NTRK3: variants seen among roughly 807,000 people sequenced by gnomAD.
NTRK3 encodes neurotrophic receptor tyrosine kinase 3.
A neutral mutation model predicts 91.7 loss-of-function variants in NTRK3; 24 were observed. That is an observed-to-expected ratio of 0.26 (90% confidence interval 0.19 to 0.37). The LOEUF (loss-of-function observed/expected upper bound fraction) is 0.37. Ranked by LOEUF, NTRK3 falls within the 10% of genes least tolerant of loss-of-function variation. The pLI, the probability that NTRK3 is intolerant of heterozygous loss-of-function variation, is 1.00. For missense variants in NTRK3, 880 were observed against 1,068.9 expected, an observed-to-expected ratio of 0.82 and a Z score of 2.46; for synonymous variants, 483 against 404.0, an observed-to-expected ratio of 1.20 and a Z score of -2.34.
intron 14 of NTRK3, among the ~76,000 whole-genome samples, chr15:88,015,358 A>T (rs748885296): frequency 7.9e-5 from 12 of 151,998 alleles, no homozygotes; most frequent in Non-Finnish European, 1.6e-4. Flanking sequence ...CCCGGGAGGG[A>T]GTCCTTCTCT....
intron 17 of NTRK3, among the ~76,000 whole-genome samples, chr15:87,894,850 T>C (rs1161086256): frequency 6.6e-6 from 1 of 152,196 alleles, no homozygotes; most frequent in African/African-American, 2.4e-5. Flanking sequence ...CCTCACTGTC[T>C]AAGACTATTC....
At chr15:88,060,274 C>T (rs573731932) in intron 13 of NTRK3, among the ~76,000 whole-genome samples, 1 of 151,540 alleles carries the variant, frequency 6.6e-6, no homozygotes, top group East Asian at 2.0e-4. Flanking sequence ...ATCCCAGCTA[C>T]TTGGGAGGCT....
chr15:88,014,243 CA>C (rs1390007541), intron 14 of NTRK3, among the ~76,000 whole-genome samples: 2 of 152,222 alleles, frequency 1.3e-5, no homozygotes, highest in East Asian at 3.9e-4. Context: ...ATGGCCCAAA[CA>C]AAAAACATCA....
intron 13 of NTRK3, among the ~76,000 whole-genome samples, 171 bp from the exon 14 acceptor site, chr15:88,033,216 A>ATATATATATATATATATATATAT (rs1567262261): frequency 1.1e-4 from 13 of 121,994 alleles, no homozygotes; most frequent in South Asian, 2.7e-4. Context: ...ATATATATAT[A>ATATATATATATATATATATATAT]AATTCAGTTG....
At chr15:87,870,290 G>A (rs2064792553) in exon 19 of NTRK3, 1 of 189,534 alleles carries the variant, frequency 5.3e-6, no homozygotes, top group Admixed American at 6.2e-5. Context: ...GAAGCGGCCT[G>A]GGTGAGATTG....
At chr15:88,205,447 AGCG>A (rs2048662242) in intron 3 of NTRK3, among the ~76,000 whole-genome samples, 1 of 152,188 alleles carries the variant, frequency 6.6e-6, no homozygotes, top group Non-Finnish European at 1.5e-5. Flanking sequence ...CCAGCATGGC[AGCG>A]ATGCTTACGT....
chr15:88,047,517 T>C (rs553723132), intron 13 of NTRK3, among the ~76,000 whole-genome samples: 11 of 152,330 alleles, frequency 7.2e-5, no homozygotes, highest in African/African-American at 2.4e-4. Context: ...CAGTTTATAG[T>C]ATTATTCTTG....
chr15:88,024,961 A>G (rs1186341035), intron 14 of NTRK3, among the ~76,000 whole-genome samples: 1 of 152,234 alleles, frequency 6.6e-6, no homozygotes, highest in Non-Finnish European at 1.5e-5. Context: ...GTCAATGTGA[A>G]TATCCAATAA....
rs1027645743 is a variant in NTRK3 at position 88,234,475 on chromosome 15, C to A, written c.248+21431G>T. Among the ~76,000 whole-genome samples, 9 of 152,214 alleles carry A rather than the reference C, an allele frequency of 5.9e-5. No homozygotes were observed. The highest frequency in any genetic ancestry group is 1.9e-4 in the African/African-American group (8 of 41,456). ...CCCAGCCAGAATGAACTTTCTTCAG[C>A]TTCTTAAAGACACCATTGCTTCAGG... On this transcript the variant is annotated intron_variant, in intron 3 of 18. Transcript: ENST00000394480. This position sits in a 1 kb window ranked among gnomAD's most constrained non-coding sequence, Gnocchi z 6.1.
rs151250115 is a variant in NTRK3 at position 88,058,581 on chromosome 15, C to T, written c.1397-25536G>A. Among the ~76,000 whole-genome samples, 169 of 152,230 alleles carry T rather than the reference C, an allele frequency of 1.1e-3. 2 individuals are homozygous for T. The East Asian group carries it at 0.029, about 26-fold the overall frequency. On this transcript the variant is annotated intron_variant, in intron 13 of 18. Coordinates refer to ENST00000394480, the Ensembl canonical transcript of NTRK3. ...CTTTTCCCAAAATTCTGGCCCAAAG[C>T]ACACCTAGCACCACTACCCTCCACC... is the stretch of plus-strand genomic sequence containing the variant.
At chr15:88,193,109 ATCCAGGGCGGTACTATGTAGCC>A (rs2047541776) in intron 3 of NTRK3, among the ~76,000 whole-genome samples, 1 of 152,182 alleles carries the variant, frequency 6.6e-6, no homozygotes, top group South Asian at 2.1e-4. Flanking sequence ...CTGGAAAGCC[ATCCAGGGCGGTACTATGTAGCC>A]ACCCAGCTGC....
At chr15:87,862,823 G>A (rs1464094673) in exon 19 of NTRK3, 4 of 229,796 alleles carry the variant, frequency 1.7e-5, no homozygotes, top group Non-Finnish European at 3.5e-5. Context: ...AAGGGTGGAT[G>A]CTGAGAATCA....
chr15:88,109,104 A>G (rs569451490), intron 13 of NTRK3, among the ~76,000 whole-genome samples: 10 of 152,306 alleles, frequency 6.6e-5, no homozygotes, highest in Admixed American at 2.6e-4. Context: ...ATCCATGGGG[A>G]GTCTTTGCAA....
chr15:88,118,165 G>A (rs537792823), intron 13 of NTRK3, among the ~76,000 whole-genome samples: 96 of 152,306 alleles, frequency 6.3e-4, no homozygotes, highest in African/African-American at 1.8e-3. Flanking sequence ...CTGTTTTGCT[G>A]TCTTTGGTTT....
At chr15:88,250,412 T>C (rs748825453) in intron 3 of NTRK3, among the ~76,000 whole-genome samples, 9 of 152,330 alleles carry the variant, frequency 5.9e-5, no homozygotes, top group African/African-American at 1.9e-4. Flanking sequence ...AACTCAACAA[T>C]TGTAAACTAA....
exon 19 of NTRK3, chr15:87,872,136 A>T (rs1352325447): frequency 1.4e-5 from 3 of 221,160 alleles, no homozygotes; most frequent in African/African-American, 6.7e-5. Context: ...AAAGCAGACA[A>T]TAGACATCTC....
At chr15:87,999,061 C>T (rs1449928879) in intron 14 of NTRK3, among the ~76,000 whole-genome samples, 1 of 152,162 alleles carries the variant, frequency 6.6e-6, no homozygotes, top group Non-Finnish European at 1.5e-5. Context: ...GTATGAAAGG[C>T]TCCTGTGGGT....
intron 13 of NTRK3, among the ~76,000 whole-genome samples, chr15:88,033,745 C>T (rs1396226229): frequency 6.6e-6 from 1 of 152,160 alleles, no homozygotes; most frequent in South Asian, 2.1e-4. Context: ...GCTGGAAAAT[C>T]AAGGTAAATT....
intron 3 of NTRK3, among the ~76,000 whole-genome samples, chr15:88,198,557 T>G (rs1597901285): frequency 6.6e-6 from 1 of 152,352 alleles, no homozygotes; most frequent in South Asian, 2.1e-4. Context: ...GCTGCTGATG[T>G]ATGTATGTAA....
Sources: allele counts gnomAD v4.1 joint callset (sites outside exome capture counted in the v4.1 genomes callset), GRCh38; gene constraint gnomAD v4.1.1; non-coding constraint Gnocchi (gnomAD v3.1); transcripts MANE v1.5; gene names NCBI Gene and HGNC (gene_info 2026-07-23, HGNC 2026-07-21).